Variants in LRP1B observed in about 807,000 individuals in gnomAD.
LRP1B encodes the protein LDL receptor related protein 1B, also known as low-density lipoprotein receptor-related protein 1B.
In LRP1B, 217 loss-of-function variants were observed where a neutral mutation model predicts 556.6. That is an observed-to-expected ratio of 0.39 (90% CI 0.35 to 0.44). The LOEUF (loss-of-function observed/expected upper bound fraction) is 0.44, where lower values mean the gene tolerates loss of function less well. LRP1B is among the 20% of genes least tolerant of loss of function. LRP1B has a pLI of 1.00. For missense variants in LRP1B, 5,053 were observed against 5,620.8 expected, an observed-to-expected ratio of 0.90 and a Z score of 3.23; for synonymous variants, 2,047 against 1,865.8, an observed-to-expected ratio of 1.10 and a Z score of -2.50.
In LRP1B at chr2:141,043,365, T is replaced by C. The variant is rs143886537; in HGVS notation, c.1789+5621A>G. 3.8e-3 allele frequency among the ~76,000 whole-genome samples: 576 copies of C among 152,064 alleles called. 7 individuals are homozygous for C. Among genetic ancestry groups the C allele is most frequent in the South Asian group, 9.5e-3 (46 of 4,822 alleles). ...AGTATGACTTACGACTTGAAGTAGA[T>C]GAATTGAATCTTCATCAATGCCACA... On this transcript the variant is annotated intron_variant, in intron 11 of 90. Transcript: ENST00000389484.
rs773639594 is a variant in LRP1B, at chr2:141,015,792, G to A, written c.2094C>T (p.Asn698=). ...TGGTGTGAAAGTCCAGAGTTAAACC[G>A]TTTGGCCACAGCATCTTTGAAGTCA... ...IFVTSKMLWP[N]GLTLDFHTNT... Residue 698 remains asparagine, a synonymous_variant, in exon 13 of 91, where the codon AAC becomes AAT. Transcript: ENST00000389484. 24 of 1,613,230 alleles carry A rather than the reference G, an allele frequency of 1.5e-5. 1 individual carries two copies. Among genetic ancestry groups the A allele is most frequent in the Middle Eastern group, 1.6e-4 (1 of 6,082 alleles).
At chr2:140,885,799 TA>T (rs3063639) in intron 24 of LRP1B, among the ~76,000 whole-genome samples, 33,013 of 144,548 alleles carry the variant, frequency 0.23, 3,850 homozygotes, top group Non-Finnish European at 0.26. Flanking sequence ...GTAGCAAAAT[TA>T]AAAAAAAAAA....
At chr2:141,429,762 T>A (rs4245857) in intron 3 of LRP1B, among the ~76,000 whole-genome samples, 45,250 of 152,028 alleles carry the variant, frequency 0.3, 6,885 homozygotes, top group Admixed American at 0.32. Context: ...CATTCCTGTG[T>A]TAGTTTGCTG....
chr2:141,183,384 T>C (rs2105178265), intron 7 of LRP1B, among the ~76,000 whole-genome samples: 1 of 152,208 alleles, frequency 6.6e-6, no homozygotes, highest in Middle Eastern at 3.4e-3. Flanking sequence ...CTGCTCCCGA[T>C]AGCTGTTAAC....
At chr2:141,459,374 C>T (rs564478493) in intron 3 of LRP1B, among the ~76,000 whole-genome samples, 19 of 152,236 alleles carry the variant, frequency 1.2e-4, no homozygotes, top group Middle Eastern at 3.4e-3. Context: ...TGCTTCCTCA[C>T]GGATCCTGCT....
At position 140,716,117 on chromosome 2, in the gene LRP1B, A is replaced by G; in HGVS notation, c.5894-15T>C. 2 of 1,565,520 alleles carry G rather than the reference A, an allele frequency of 1.3e-6. No individual in the cohort carries two copies. The highest frequency in any genetic ancestry group is 2.3e-5 in the East Asian group (1 of 44,366). ...ATATATGTTACCTAGGAGAAATAAT[A>G]GAGGTGTTTATAATACAGTTTTGAG... On this transcript the variant is annotated splice_polypyrimidine_tract_variant and intron_variant, in intron 36 of 90. Coordinates refer to ENST00000389484, the MANE Select transcript of LRP1B (RefSeq NM_018557.3).
At chr2:140,321,873 T>G in intron 82 of LRP1B, 90 bp downstream of exon 82, 1 of 1,299,334 alleles carries the variant, frequency 7.7e-7, no homozygotes, top group Non-Finnish European at 1.1e-6. Flanking sequence ...AAACTGATGA[T>G]GGAACAGATA....
At chr2:140,511,639 T>A (rs1356295902) in intron 51 of LRP1B, among the ~76,000 whole-genome samples, 1 of 152,130 alleles carries the variant, frequency 6.6e-6, no homozygotes, top group Non-Finnish European at 1.5e-5. Flanking sequence ...TACCTGTCCT[T>A]GACATATACC....
chr2:141,675,451 A>G (rs1337062164), intron 2 of LRP1B, among the ~76,000 whole-genome samples: 1 of 151,920 alleles, frequency 6.6e-6, no homozygotes, highest in Non-Finnish European at 1.5e-5. Context: ...GGTCATGTTC[A>G]TAGTCCAGAG....
intron 44 of LRP1B, 38 bp downstream of exon 44, chr2:140,541,741 A>T: frequency 2.7e-6 from 4 of 1,478,476 alleles, no homozygotes; most frequent in Non-Finnish European, 3.7e-6. Context: ...CAGAGATTAT[A>T]CAATGAAAAA....
intron 6 of LRP1B, among the ~76,000 whole-genome samples, chr2:141,224,381 G>A (rs754834116): frequency 5.3e-5 from 8 of 152,168 alleles, no homozygotes; most frequent in Non-Finnish European, 1.0e-4. Flanking sequence ...TTACATGTTA[G>A]TGGAAATGTA....
chr2:140,678,555 T>C (rs1262721688), intron 41 of LRP1B, among the ~76,000 whole-genome samples: 3 of 152,204 alleles, frequency 2.0e-5, no homozygotes, highest in South Asian at 2.1e-4. Context: ...ATTCTACATA[T>C]AACTTAATAC....
At chr2:141,109,932 A>G (rs990059865) in intron 7 of LRP1B, among the ~76,000 whole-genome samples, 3 of 152,176 alleles carry the variant, frequency 2.0e-5, no homozygotes, top group Admixed American at 2.0e-4. Flanking sequence ...CCCTGTGTGG[A>G]CAGCTCAATA....
chr2:141,503,802 G>A lies in LRP1B; in HGVS notation c.206-23269C>T, dbSNP rs552282169. 4.6e-5 allele frequency among the ~76,000 whole-genome samples: 7 copies of A among 152,164 alleles called. No homozygotes were observed. In the South Asian group the frequency reaches 1.5e-3, roughly 32 times the overall value. On this transcript the variant is annotated intron_variant, in intron 2 of 90. Transcript: ENST00000389484. The stretch of plus-strand genomic sequence containing the variant: ...GGGGTGAGAGAGAGAATATGTTAAG[G>A]CACTCTTGTTTAAATATAATTAAGG...
intron 1 of LRP1B, among the ~76,000 whole-genome samples, chr2:141,846,557 A>G (rs1429419810): frequency 2.0e-5 from 3 of 151,610 alleles, no homozygotes; most frequent in Non-Finnish European, 4.4e-5. Context: ...CTGGAAAATG[A>G]TTATAATTTA....
At chr2:140,692,448 G>A (rs1686278802) in intron 41 of LRP1B, among the ~76,000 whole-genome samples, 1 of 152,082 alleles carries the variant, frequency 6.6e-6, no homozygotes, top group Admixed American at 6.6e-5. Flanking sequence ...GCTCTTCAGA[G>A]TAGTTGTACA....
At chr2:140,792,968 T>C (rs1690175126) in intron 32 of LRP1B, among the ~76,000 whole-genome samples, 1 of 152,016 alleles carries the variant, frequency 6.6e-6, no homozygotes, top group South Asian at 2.1e-4. Context: ...TGTGTACATA[T>C]AGGTAATTAT....
At chr2:140,752,088 G>A (rs568467666) in intron 35 of LRP1B, among the ~76,000 whole-genome samples, 17 of 152,050 alleles carry the variant, frequency 1.1e-4, no homozygotes, top group South Asian at 4.2e-4. Flanking sequence ...AGGGCAAGGC[G>A]GGCGGATCAC....
chr2:141,470,690 C>G (rs1438011378), intron 3 of LRP1B, among the ~76,000 whole-genome samples: 1 of 152,138 alleles, frequency 6.6e-6, no homozygotes, highest in Non-Finnish European at 1.5e-5. Flanking sequence ...TAATTCCTTG[C>G]TTTTTAAATA....
Sources: allele counts gnomAD v4.1 joint callset (sites outside exome capture counted in the v4.1 genomes callset), GRCh38; gene constraint gnomAD v4.1.1; transcripts MANE v1.5; gene names NCBI Gene and HGNC (gene_info 2026-07-23, HGNC 2026-07-21).